Variants in ST6GALNAC3 observed in about 807,000 individuals in gnomAD.
ST6GALNAC3 encodes alpha-N-acetylgalactosaminide alpha-2,6-sialyltransferase 3.
In ST6GALNAC3, 25 loss-of-function variants were observed where a neutral mutation model predicts 32.7. The ratio of observed to expected loss-of-function variants is 0.76; its 90% confidence interval spans 0.56 to 1.07. The LOEUF (loss-of-function observed/expected upper bound fraction) is 1.07. ST6GALNAC3 is among the 50% of genes least tolerant of loss of function. The pLI is 0.00. For synonymous variants in ST6GALNAC3, 129 were observed against 133.1 expected (o/e 0.97, Z 0.21); for missense variants, 355 against 382.4 (o/e 0.93, Z 0.60).
chr1:76,425,272 G>C (rs1655292701), intron 3 of ST6GALNAC3, among the ~76,000 whole-genome samples: 1 of 151,918 alleles, frequency 6.6e-6, no homozygotes. Context: ...GCAAATAGGG[G>C]CTTTCAAGGA....
At chr1:76,571,924 T>C (rs913347000) in intron 3 of ST6GALNAC3, among the ~76,000 whole-genome samples, 13 of 152,098 alleles carry the variant, frequency 8.5e-5, no homozygotes, top group South Asian at 4.1e-4. Context: ...TGCTCTCTTA[T>C]AGCAATCATC....
intron 3 of ST6GALNAC3, among the ~76,000 whole-genome samples, chr1:76,525,806 T>TATATATAC (rs1662867180): frequency 1.2e-5 from 1 of 81,016 alleles, no homozygotes; most frequent in Non-Finnish European, 2.6e-5. Context: ...TATATATATA[T>TATATATAC]ATATATATAT....
intron 3 of ST6GALNAC3, among the ~76,000 whole-genome samples, chr1:76,477,553 G>A (rs1340044320): frequency 1.3e-5 from 2 of 152,170 alleles, no homozygotes; most frequent in African/African-American, 4.8e-5. Flanking sequence ...ATCCAGTCAT[G>A]AGGGATGGCT....
intron 3 of ST6GALNAC3, among the ~76,000 whole-genome samples, chr1:76,561,635 AGATG>A (rs1280066191): frequency 6.6e-6 from 1 of 152,202 alleles, no homozygotes; most frequent in African/African-American, 2.4e-5. Flanking sequence ...TGATTGGCAA[AGATG>A]GAGAAACTGG....
rs577234036 is a variant in ST6GALNAC3 at position 76,518,515 on chromosome 1, T to TA, written c.623+106100dup. Reference sequence around the variant, plus strand: ...TATTTTTTCTTCATTCTTTCTTTAGTAATTCTGCATTCCATTTTTCTCACA... The same window carrying TA: ...TATTTTTTCTTCATTCTTTCTTTAGTAAATTCTGCATTCCATTTTTCTCACA... On this transcript the variant is annotated intron_variant, in intron 3 of 4. Coordinates refer to ENST00000328299, the MANE Select transcript of ST6GALNAC3 (RefSeq NM_152996.4). 2.4e-4 allele frequency among the ~76,000 whole-genome samples: 37 copies of TA among 152,274 alleles called. No individual in the cohort carries two copies. In the East Asian group the frequency reaches 6.8e-3, roughly 28 times the overall value.
intron 1 of ST6GALNAC3, chr1:76,142,816 T>C (rs1289005104): frequency 4.9e-5 from 22 of 449,140 alleles, no homozygotes; most frequent in Non-Finnish European, 8.9e-5. Flanking sequence ...TTGTCTTGAA[T>C]GCCTGCCTTT....
chr1:76,361,917 G>T (rs1415030564), intron 2 of ST6GALNAC3, among the ~76,000 whole-genome samples: 2 of 151,012 alleles, frequency 1.3e-5, no homozygotes, highest in African/African-American at 4.9e-5. Flanking sequence ...GGTGAAGGTT[G>T]CAGTGCGCTG....
At chr1:76,311,186 T>G (rs1006590586) in intron 1 of ST6GALNAC3, among the ~76,000 whole-genome samples, 1 of 152,138 alleles carries the variant, frequency 6.6e-6, no homozygotes, top group African/African-American at 2.4e-5. Context: ...TCCTAACTAG[T>G]CACTGCCTAC....
intron 3 of ST6GALNAC3, among the ~76,000 whole-genome samples, chr1:76,611,971 C>A (rs1647966195): frequency 6.6e-6 from 1 of 152,154 alleles, no homozygotes; most frequent in Non-Finnish European, 1.5e-5. Context: ...TTTCTCAGTT[C>A]CAACACCTCA....
At chr1:76,277,548 A>T (rs1484837628) in intron 1 of ST6GALNAC3, among the ~76,000 whole-genome samples, 1 of 43,520 alleles carries the variant, frequency 2.3e-5, no homozygotes, top group South Asian at 6.8e-4. Context: ...ATATATATAT[A>T]TATATATATA....
chr1:76,086,726 C>A (rs1162245595), intron 1 of ST6GALNAC3, among the ~76,000 whole-genome samples: 1 of 152,136 alleles, frequency 6.6e-6, no homozygotes, highest in Non-Finnish European at 1.5e-5. Context: ...GGATATAAGC[C>A]ATTCCATTAG....
In ST6GALNAC3 at chr1:76,309,319, C is replaced by T. The variant is rs935652542; in HGVS notation, c.19-4486C>T. Among the ~76,000 whole-genome samples the T allele has an allele frequency of 3.3e-5, 5 of 152,178 alleles. No homozygotes were observed. In the East Asian group the frequency reaches 7.7e-4, roughly 24 times the overall value. On this transcript the variant is annotated intron_variant, in intron 1 of 4. Coordinates refer to ENST00000328299, the MANE Select transcript of ST6GALNAC3 (RefSeq NM_152996.4). ...CTACACAGAGTATGGACTCAATGAGCGATTGTGGCTTGAAGATGTAAATTC... is the reference window on the plus strand; with the variant it reads ...CTACACAGAGTATGGACTCAATGAGTGATTGTGGCTTGAAGATGTAAATTC...
chr1:76,634,132 ATC>A lies in ST6GALNAC3; in HGVS notation c.*5330_*5331del. 1.0e-6 allele frequency: 1 copy of A among 984,564 alleles called. No homozygotes were observed. Among genetic ancestry groups the A allele is most frequent in the Non-Finnish European group, 1.2e-6 (1 of 829,570 alleles). The allele number at this position is 984,564 out of a possible 1,614,324, so 61.0% of individuals were successfully genotyped here. On this transcript the variant is annotated 3_prime_UTR_variant, in exon 5 of 5. Coordinates refer to ENST00000328299, the MANE Select transcript of ST6GALNAC3 (RefSeq NM_152996.4). ...AAACCTCTTCTTTCTCCACAGATAC[ATC>A]TCTTTTTGTTCACGCCTTGAAGACT...
intron 3 of ST6GALNAC3, among the ~76,000 whole-genome samples, chr1:76,505,939 C>T (rs1470017667): frequency 6.6e-6 from 1 of 151,928 alleles, no homozygotes; most frequent in Admixed American, 6.6e-5. Flanking sequence ...GGGTAACCTT[C>T]TTATTTAACT....
At chr1:76,145,584 A>C (rs1470136021) in intron 1 of ST6GALNAC3, among the ~76,000 whole-genome samples, 54 of 152,210 alleles carry the variant, frequency 3.5e-4, no homozygotes, top group Admixed American at 3.4e-3. Flanking sequence ...TTCTTTTTCA[A>C]TTACGGAAAT....
chr1:76,416,425 A>G (rs1654628488), intron 3 of ST6GALNAC3, among the ~76,000 whole-genome samples: 1 of 152,122 alleles, frequency 6.6e-6, no homozygotes, highest in Non-Finnish European at 1.5e-5. Context: ...CAATGTCATC[A>G]TTATTATGTA....
chr1:76,384,226 AG>A (rs1250446082), intron 2 of ST6GALNAC3, among the ~76,000 whole-genome samples: 1 of 152,178 alleles, frequency 6.6e-6, no homozygotes, highest in Non-Finnish European at 1.5e-5. Flanking sequence ...CCAATGATAA[AG>A]AAGCTAATAC....
At chr1:76,362,611 A>T (rs1469337794) in intron 2 of ST6GALNAC3, among the ~76,000 whole-genome samples, 1 of 152,246 alleles carries the variant, frequency 6.6e-6, no homozygotes, top group Non-Finnish European at 1.5e-5. Context: ...GGTTATAGAC[A>T]TTGGGTAAAT....
At chr1:76,533,228 G>A (rs1663367170) in intron 3 of ST6GALNAC3, among the ~76,000 whole-genome samples, 1 of 152,158 alleles carries the variant, frequency 6.6e-6, no homozygotes, top group African/African-American at 2.4e-5. Flanking sequence ...CTACTCTGAA[G>A]CAAACTTTTG....
Sources: allele counts gnomAD v4.1 joint callset (sites outside exome capture counted in the v4.1 genomes callset), GRCh38; gene constraint gnomAD v4.1.1; transcripts MANE v1.5; gene names NCBI Gene and HGNC (gene_info 2026-07-23, HGNC 2026-07-21).